EPB41L5: variants seen among roughly 807,000 people sequenced by gnomAD.
EPB41L5 encodes erythrocyte membrane protein band 4.1 like 5.
EPB41L5 carries 55 observed loss-of-function variants against 106.6 expected under a neutral mutation model. The observed-to-expected ratio is 0.52, with a 90% CI of 0.42 to 0.65. EPB41L5 has a LOEUF of 0.65. EPB41L5 is among the 30% of genes least tolerant of loss of function. The pLI, the probability that EPB41L5 is intolerant of heterozygous loss-of-function variation, is 0.00. For synonymous variants in EPB41L5, 297 were observed against 306.7 expected (o/e 0.97, Z 0.33); for missense variants, 871 against 882.1 (o/e 0.99, Z 0.16).
chr2:120,166,912 A>C (rs574177069), intron 22 of EPB41L5, among the ~76,000 whole-genome samples: 7 of 152,374 alleles, frequency 4.6e-5, no homozygotes, highest in Admixed American at 3.9e-4. Context: ...AAAGTTAAAC[A>C]TATAAAAATA....
intron 2 of EPB41L5, among the ~76,000 whole-genome samples, chr2:120,039,948 G>C (rs567860840): frequency 2.6e-5 from 4 of 152,034 alleles, no homozygotes; most frequent in African/African-American, 9.6e-5. Flanking sequence ...TCTAGATCAG[G>C]TATGTATTCC....
rs1685519668 is a variant in EPB41L5, at chr2:120,127,726, T to C, written c.1376T>C (p.Leu459Ser). Residue 459 changes from leucine to serine, a missense_variant, in exon 17 of 25, where the codon TTA becomes TCA. By Grantham distance (145) the Leu-to-Ser change is moderately radical (BLOSUM62 -2). Transcript: ENST00000263713. ...LNIDLLNSPD[L>S]LEATIGDVIG... ...ATTGATTTGCTGAATAGCCCAGACT[T>C]ATTGGAAGCAACGATTGGTGATGTA... 2 of 1,613,532 alleles carry C rather than the reference T, an allele frequency of 1.2e-6. No homozygotes were observed. The highest frequency in any genetic ancestry group is 4.5e-5 in the East Asian group (2 of 44,850).
intron 3 of EPB41L5, among the ~76,000 whole-genome samples, chr2:120,051,224 G>A (rs555026164): frequency 9.8e-5 from 15 of 152,304 alleles, no homozygotes; most frequent in Middle Eastern, 3.4e-3. Context: ...TTCTGCTGCC[G>A]TTTATTCGGC....
chr2:120,113,946 C>T (rs1412920320), intron 16 of EPB41L5, among the ~76,000 whole-genome samples: 1 of 152,170 alleles, frequency 6.6e-6, no homozygotes, highest in Non-Finnish European at 1.5e-5. Context: ...GTGAATGATG[C>T]TATGAACATT....
At chr2:120,132,123 T>A (rs536205548) in intron 18 of EPB41L5, among the ~76,000 whole-genome samples, 1 of 152,184 alleles carries the variant, frequency 6.6e-6, no homozygotes, top group African/African-American at 2.4e-5. Context: ...CATTCCTTTC[T>A]CTCCCCTGTC....
intron 10 of EPB41L5, 47 bp downstream of exon 10, chr2:120,078,628 T>G: frequency 7.6e-7 from 1 of 1,321,698 alleles, no homozygotes; most frequent in East Asian, 2.3e-5. Flanking sequence ...TTTTGGTTTT[T>G]AATGAGTAAA....
Position 120,164,798 on chromosome 2 carries a change from G to A in EPB41L5, c.1888-38G>A, listed in dbSNP as rs770790449. 9 of 1,439,234 alleles carry A rather than the reference G, an allele frequency of 6.3e-6. No homozygotes were observed. The Admixed American group carries it at 9.3e-5, about 15-fold the overall frequency. The allele number at this position is 1,439,234 out of a possible 1,614,324, so 89.2% of individuals were successfully genotyped here. On this transcript the variant is annotated intron_variant, in intron 21 of 24. Coordinates refer to ENST00000263713, the MANE Select transcript of EPB41L5 (RefSeq NM_020909.4). ...AAAAAACTTAACATCTGATGATAAAGGGGTCATTTAACAATTCTAGATTCC... is the reference window on the plus strand; with the variant it reads ...AAAAAACTTAACATCTGATGATAAAAGGGTCATTTAACAATTCTAGATTCC...
At chr2:120,113,642 C>T (rs1213378174) in intron 16 of EPB41L5, among the ~76,000 whole-genome samples, 3 of 152,208 alleles carry the variant, frequency 2.0e-5, no homozygotes, top group African/African-American at 7.2e-5. Flanking sequence ...CAAAAGAAAC[C>T]TCTTTCCTAT....
intron 2 of EPB41L5, among the ~76,000 whole-genome samples, chr2:120,030,254 G>T (rs1678613188): frequency 6.6e-6 from 1 of 152,154 alleles, no homozygotes; most frequent in Non-Finnish European, 1.5e-5. Context: ...TTAGCTACAA[G>T]ATGAGAAATT....
intron 10 of EPB41L5, among the ~76,000 whole-genome samples, chr2:120,079,593 CG>C (rs1314259857): frequency 6.6e-6 from 1 of 152,102 alleles, no homozygotes; most frequent in Non-Finnish European, 1.5e-5. Flanking sequence ...AAACACTGCT[CG>C]ATAAAGCCTG....
At chr2:120,067,100 G>A (rs1314000868) in intron 3 of EPB41L5, among the ~76,000 whole-genome samples, 1 of 152,224 alleles carries the variant, frequency 6.6e-6, no homozygotes, top group Non-Finnish European at 1.5e-5. Context: ...AGGCTTAAAA[G>A]TAGATGTCCA....
At chr2:120,105,202 A>G in intron 16 of EPB41L5, 1 of 983,028 alleles carries the variant, frequency 1.0e-6, no homozygotes, top group Non-Finnish European at 1.2e-6. Flanking sequence ...GAAGTGAATT[A>G]GCTGGAAAAA....
At chr2:120,079,921 T>C (rs1198990061) in intron 10 of EPB41L5, among the ~76,000 whole-genome samples, 1 of 152,148 alleles carries the variant, frequency 6.6e-6, no homozygotes, top group Admixed American at 6.6e-5. Flanking sequence ...GGTTTCCTTT[T>C]TCTTTGTCCT....
intron 18 of EPB41L5, among the ~76,000 whole-genome samples, chr2:120,136,237 T>G (rs1471298229): frequency 6.7e-6 from 1 of 148,822 alleles, no homozygotes; most frequent in African/African-American, 2.5e-5. Context: ...CATGGTAACC[T>G]CAAATAAAAA....
At chr2:120,173,787 AC>A (rs1285375211) in intron 24 of EPB41L5, among the ~76,000 whole-genome samples, 1 of 151,994 alleles carries the variant, frequency 6.6e-6, no homozygotes, top group Non-Finnish European at 1.5e-5. Context: ...GGCTAAAACA[AC>A]CCTCCTGCCT....
chr2:120,070,895 A>G (rs2105311587), intron 3 of EPB41L5, among the ~76,000 whole-genome samples: 1 of 152,354 alleles, frequency 6.6e-6, no homozygotes, highest in South Asian at 2.1e-4. Flanking sequence ...TGAATGGGCA[A>G]AAGCTGGAAG....
chr2:120,069,726 A>C (rs1339850003), intron 3 of EPB41L5, among the ~76,000 whole-genome samples: 1 of 152,222 alleles, frequency 6.6e-6, no homozygotes, highest in Non-Finnish European at 1.5e-5. Flanking sequence ...TACTGGGTAA[A>C]TAATGAAATT....
chr2:120,053,049 C>G lies in EPB41L5; in HGVS notation c.285+10939C>G, dbSNP rs1680394583. On this transcript the variant is annotated intron_variant, in intron 3 of 24. Transcript: ENST00000263713. Reference sequence around the variant, plus strand: ...TGTGTACATGCTGGTCTTGCTCAGACAACCTAATTATTTCTGGACTGAGTT... The same window carrying G: ...TGTGTACATGCTGGTCTTGCTCAGAGAACCTAATTATTTCTGGACTGAGTT... 2.0e-5 allele frequency among the ~76,000 whole-genome samples: 3 copies of G among 152,214 alleles called. No homozygotes were observed. In the South Asian group the frequency reaches 6.2e-4, roughly 32 times the overall value.
chr2:120,134,087 G>C (rs1425221353), intron 18 of EPB41L5, among the ~76,000 whole-genome samples: 1 of 152,074 alleles, frequency 6.6e-6, no homozygotes, highest in Non-Finnish European at 1.5e-5. Context: ...CCTTGGGTCA[G>C]TGGTTTCCAG....
Sources: gnomAD v4.1 joint callset for allele counts (sites outside exome capture counted in the v4.1 genomes callset) on GRCh38, gnomAD v4.1.1 for gene constraint, MANE v1.5 for transcripts, NCBI Gene and HGNC (gene_info 2026-07-23, HGNC 2026-07-21) for gene names.